ADK: variants seen among roughly 807,000 people sequenced by gnomAD.
ADK encodes the protein N6,N6-dimethyladenosine kinase.
In ADK, 24 loss-of-function variants were observed where a neutral mutation model predicts 44.7. The ratio of observed to expected loss-of-function variants is 0.54; its 90% CI spans 0.39 to 0.76. The LOEUF is 0.76. Ranked by LOEUF, ADK falls within the 30% of genes least tolerant of loss-of-function variation. The pLI, the probability that ADK is intolerant of heterozygous loss-of-function variation, is 0.00. For synonymous variants in ADK, 128 were observed against 142.6 expected (o/e 0.90, Z 0.73); for missense variants, 321 against 425.1 (o/e 0.76, Z 2.15).
intron 10 of ADK, among the ~76,000 whole-genome samples, chr10:74,696,195 A>G (rs909881086): frequency 1.3e-5 from 2 of 151,136 alleles, no homozygotes; most frequent in Non-Finnish European, 3.0e-5. Flanking sequence ...TAATTTTTGT[A>G]TTTTTAGTAG....
intron 6 of ADK, chr10:74,423,501 G>A: frequency 5.0e-6 from 1 of 199,376 alleles, no homozygotes. Context: ...TTTTGGCCTG[G>A]AGCACCAGGT....
intron 1 of ADK, among the ~76,000 whole-genome samples, chr10:74,166,846 C>G (rs899434002): frequency 6.6e-6 from 1 of 152,122 alleles, no homozygotes. Flanking sequence ...CTTCTGGTTA[C>G]AAACTGTAAT....
chr10:74,583,143 A>G lies in ADK; in HGVS notation c.727-6139A>G, dbSNP rs145853761. The stretch of plus-strand genomic sequence containing the variant: ...TGAAGGACAGCATGAGAAAATATTT[A>G]GAAGCTTTAGCAGTATAAGTCTTTA... On this transcript the variant is annotated intron_variant, in intron 7 of 10. Transcript: ENST00000539909. Among the ~76,000 whole-genome samples, 14 of 152,362 alleles carry G rather than the reference A, an allele frequency of 9.2e-5. No homozygotes were observed. The East Asian group carries it at 2.5e-3, about 27-fold the overall frequency.
intron 4 of ADK, among the ~76,000 whole-genome samples, chr10:74,366,777 A>G (rs1842512005): frequency 6.6e-6 from 1 of 152,106 alleles, no homozygotes; most frequent in African/African-American, 2.4e-5. Context: ...AAAAAATACA[A>G]AAATTAGCCA....
At chr10:74,497,486 A>G (rs1847733304) in intron 6 of ADK, among the ~76,000 whole-genome samples, 1 of 152,186 alleles carries the variant, frequency 6.6e-6, no homozygotes, top group Non-Finnish European at 1.5e-5. Flanking sequence ...TCTCTTCATT[A>G]TAAGCAGACT....
intron 6 of ADK, among the ~76,000 whole-genome samples, chr10:74,437,762 A>G (rs1043613771): frequency 2.0e-5 from 3 of 152,144 alleles, no homozygotes; most frequent in African/African-American, 4.8e-5. Context: ...AATCCCTCTC[A>G]TGGCTGCCAA....
chr10:74,170,039 C>G (rs1276210954), intron 1 of ADK, among the ~76,000 whole-genome samples: 1 of 152,110 alleles, frequency 6.6e-6, no homozygotes, highest in East Asian at 1.9e-4. Flanking sequence ...TGGCTGCACA[C>G]TATTTTAGGG....
At chr10:74,387,349 A>T (rs893141702) in intron 4 of ADK, among the ~76,000 whole-genome samples, 15 of 152,208 alleles carry the variant, frequency 9.9e-5, no homozygotes, top group African/African-American at 3.6e-4. Context: ...GAAACAAATG[A>T]GGGTGATGGT....
intron 9 of ADK, among the ~76,000 whole-genome samples, chr10:74,632,257 G>A (rs900123288): frequency 6.6e-6 from 1 of 152,076 alleles, no homozygotes; most frequent in African/African-American, 2.4e-5. Flanking sequence ...TGTTTTCAAG[G>A]TTCATCCACA....
chr10:74,678,890 G>T (rs1394140575), intron 10 of ADK, among the ~76,000 whole-genome samples: 2 of 152,108 alleles, frequency 1.3e-5, no homozygotes, highest in East Asian at 3.9e-4. Flanking sequence ...AATGAATCTG[G>T]TCAATTTTAC....
At chr10:74,449,010 A>G (rs924865004) in intron 6 of ADK, among the ~76,000 whole-genome samples, 15 of 152,194 alleles carry the variant, frequency 9.9e-5, no homozygotes, top group African/African-American at 3.6e-4. Flanking sequence ...CCCATTAGGG[A>G]AGATAGAGTG....
chr10:74,687,910 A>G (rs920395682), intron 10 of ADK, among the ~76,000 whole-genome samples: 1 of 152,172 alleles, frequency 6.6e-6, no homozygotes, highest in Non-Finnish European at 1.5e-5. Flanking sequence ...TTTCTGTATA[A>G]TAGCCAAAAT....
chr10:74,191,852 C>G (rs984280447), intron 1 of ADK, among the ~76,000 whole-genome samples: 6 of 152,186 alleles, frequency 3.9e-5, no homozygotes, highest in Non-Finnish European at 5.9e-5. Context: ...TGTCCAGATT[C>G]ATGTAGCTAT....
At chr10:74,408,200 C>T (rs1171378909) in intron 6 of ADK, among the ~76,000 whole-genome samples, 5 of 149,076 alleles carry the variant, frequency 3.4e-5, no homozygotes, top group African/African-American at 1.2e-4. Flanking sequence ...ACCATTTTGG[C>T]TAGGCTGGTC....
chr10:74,295,747 G>A (rs950929382), intron 3 of ADK, among the ~76,000 whole-genome samples: 1 of 115,594 alleles, frequency 8.7e-6, no homozygotes, highest in Non-Finnish European at 2.0e-5. Flanking sequence ...TTCTTTGTAG[G>A]AATGTTCCAT....
chr10:74,640,209 T>C (rs1853790586), intron 9 of ADK, among the ~76,000 whole-genome samples: 1 of 152,228 alleles, frequency 6.6e-6, no homozygotes, highest in African/African-American at 2.4e-5. Context: ...CAGGGACTAA[T>C]GAGGCAGGGC....
chr10:74,347,675 A>T (rs1592080314), intron 4 of ADK, among the ~76,000 whole-genome samples: 1 of 152,258 alleles, frequency 6.6e-6, no homozygotes, highest in East Asian at 1.9e-4. Context: ...CTGGCTTAAC[A>T]TTCTCACTGC....
chr10:74,208,029 G>A (rs1278266484), intron 2 of ADK, among the ~76,000 whole-genome samples: 1 of 152,160 alleles, frequency 6.6e-6, no homozygotes, highest in African/African-American at 2.4e-5. Flanking sequence ...TGGTATGTCA[G>A]TGCTGCCCCG....
intron 4 of ADK, among the ~76,000 whole-genome samples, chr10:74,356,007 T>TTTG (rs1842129545): frequency 6.2e-5 from 2 of 32,108 alleles, no homozygotes; most frequent in Non-Finnish European, 2.0e-4. Context: ...AATTCATTTT[T>TTTG]TTTTTTTTTT....
Sources: allele counts gnomAD v4.1 joint callset (sites outside exome capture counted in the v4.1 genomes callset), GRCh38; gene constraint gnomAD v4.1.1; transcripts MANE v1.5; gene names NCBI Gene and HGNC (gene_info 2026-07-23, HGNC 2026-07-21).